Variants in SNX29 observed in about 807,000 individuals in gnomAD.
The protein encoded by SNX29 is sorting nexin 29, also known as sorting nexin-29.
A neutral mutation model predicts 102.1 loss-of-function variants in SNX29; 78 were observed. The ratio of observed to expected loss-of-function variants is 0.76; its 90% CI spans 0.64 to 0.92. The LOEUF (loss-of-function observed/expected upper bound fraction) is 0.92, where lower values mean the gene tolerates loss of function less well. Among genes scored for constraint, SNX29 ranks in the 40% least tolerant of loss-of-function variants. The probability of loss-of-function intolerance (pLI) is 0.00; values close to 1 mark genes in which losing one functional copy is unlikely to be tolerated. For missense variants in SNX29, 1,280 were observed against 1,061.7 expected (o/e 1.21, Z -2.86); for synonymous variants, 580 against 414.5 (o/e 1.40, Z -4.85).
intron 20 of SNX29, among the ~76,000 whole-genome samples, chr16:12,554,713 C>T (rs533382136): frequency 6.6e-6 from 1 of 152,184 alleles, no homozygotes; most frequent in African/African-American, 2.4e-5. Flanking sequence ...CTGGTGACAG[C>T]TGTCTTTCAG....
At chr16:12,351,371 G>C (rs1363067602) in intron 15 of SNX29, among the ~76,000 whole-genome samples, 1 of 147,200 alleles carries the variant, frequency 6.8e-6, no homozygotes, top group Non-Finnish European at 1.5e-5. Flanking sequence ...AAACGTAACA[G>C]ATTCTAAGGC....
In SNX29 at chr16:12,471,571, G is replaced by A. The variant is rs528689189; in HGVS notation, c.2038-6148G>A. 3.3e-5 allele frequency among the ~76,000 whole-genome samples: 5 copies of A among 152,302 alleles called. No homozygotes were observed. In the South Asian group the frequency reaches 8.3e-4, roughly 25 times the overall value. On this transcript the variant is annotated intron_variant, in intron 18 of 20. Coordinates refer to ENST00000566228, the MANE Select transcript of SNX29 (RefSeq NM_032167.5). ...ACGTATGACGATGTGTCAGGTCCAC[G>A]TGGATGTGTACCCACAGAGCCTTGG...
chr16:12,433,750 G>C (rs989653212), intron 18 of SNX29, among the ~76,000 whole-genome samples: 2 of 152,128 alleles, frequency 1.3e-5, no homozygotes, highest in Non-Finnish European at 2.9e-5. Flanking sequence ...CTTGAACCTG[G>C]GGGGCGGAGG....
chr16:12,481,608 C>A (rs1033801823), intron 19 of SNX29, among the ~76,000 whole-genome samples: 1 of 152,018 alleles, frequency 6.6e-6, no homozygotes, highest in African/African-American at 2.4e-5. Context: ...AATTTCACCT[C>A]ACAGCAACCT....
intron 14 of SNX29, among the ~76,000 whole-genome samples, chr16:12,214,058 T>C (rs1301140893): frequency 6.6e-6 from 1 of 152,200 alleles, no homozygotes; most frequent in Non-Finnish European, 1.5e-5. Flanking sequence ...CAGTCCCAGG[T>C]TCTAAAAGTG....
intron 20 of SNX29, among the ~76,000 whole-genome samples, chr16:12,539,845 G>C (rs1567675148): frequency 6.6e-6 from 1 of 152,324 alleles, no homozygotes; most frequent in East Asian, 1.9e-4. Flanking sequence ...GGGGAAGTAA[G>C]TAAGTGTCCA....
chr16:12,539,885 T>C (rs2077247797), intron 20 of SNX29, among the ~76,000 whole-genome samples: 1 of 152,242 alleles, frequency 6.6e-6, no homozygotes, highest in Admixed American at 6.5e-5. Context: ...GAAACTAGGC[T>C]GTTTGTGGTT....
At position 12,042,913 on chromosome 16, in the gene SNX29, C is replaced by T. The variant is rs2049942321; in HGVS notation, c.264C>T (p.Tyr88=). The change falls in exon 5 of 21, where the codon TAC becomes TAT. Residue 88 remains tyrosine, a synonymous_variant. Coordinates refer to ENST00000566228, the MANE Select transcript of SNX29 (RefSeq NM_032167.5). ...TCTCCGTAGAGCCCGTGTTCTGGTA[C>T]TACGTGAAGGAGGTCCTCAACAAGC... The part of the protein sequence containing the change: ...SKTETEPVFW[Y]YVKEVLNKHE... The T allele has an allele frequency of 6.2e-7, 1 of 1,611,220 alleles. No homozygotes were observed. The highest frequency in any genetic ancestry group is 1.7e-5 in the Admixed American group (1 of 59,888).
chr16:12,233,165 C>T (rs914177733), intron 14 of SNX29, among the ~76,000 whole-genome samples: 4 of 152,168 alleles, frequency 2.6e-5, no homozygotes, highest in African/African-American at 9.7e-5. Flanking sequence ...CTCCCTCCTC[C>T]CTGCAAAAAC....
chr16:12,170,899 C>T (rs1053724824), intron 13 of SNX29, among the ~76,000 whole-genome samples: 2 of 151,778 alleles, frequency 1.3e-5, no homozygotes, highest in Non-Finnish European at 2.9e-5. Flanking sequence ...CGAGACATCC[C>T]GGAGGCCCTG....
At chr16:12,103,012 C>A (rs1168982213) in intron 11 of SNX29, among the ~76,000 whole-genome samples, 1 of 152,196 alleles carries the variant, frequency 6.6e-6, no homozygotes, top group Non-Finnish European at 1.5e-5. Context: ...TGAAGGACCT[C>A]TTCAAGGAGA....
At chr16:12,460,883 G>A (rs908325438) in intron 18 of SNX29, among the ~76,000 whole-genome samples, 10 of 152,166 alleles carry the variant, frequency 6.6e-5, no homozygotes, top group South Asian at 2.1e-4. Flanking sequence ...GGTCTCGAAC[G>A]CCTGACCTCA....
intron 20 of SNX29, among the ~76,000 whole-genome samples, chr16:12,555,935 G>A (rs1020436463): frequency 6.6e-6 from 1 of 152,096 alleles, no homozygotes; most frequent in African/African-American, 2.4e-5. Context: ...TGTCAGGTCT[G>A]TTTACATCAC....
intron 14 of SNX29, among the ~76,000 whole-genome samples, chr16:12,202,554 A>G (rs1409305559): frequency 1.3e-5 from 2 of 152,206 alleles, no homozygotes; most frequent in African/African-American, 4.8e-5. Context: ...TTGCCTGGCA[A>G]TTCCACTTCG....
chr16:12,017,931 A>G (rs1008087941), intron 3 of SNX29, among the ~76,000 whole-genome samples: 1 of 151,836 alleles, frequency 6.6e-6, no homozygotes, highest in East Asian at 1.9e-4. Flanking sequence ...TTTTGAGACG[A>G]AGTCTCTCTC....
At chr16:12,556,104 G>A (rs914582330) in intron 20 of SNX29, among the ~76,000 whole-genome samples, 1 of 152,148 alleles carries the variant, frequency 6.6e-6, no homozygotes, top group African/African-American at 2.4e-5. Context: ...TCATTGAGAA[G>A]TATGGGTTAT....
chr16:12,109,145 A>AG (rs796300325), intron 11 of SNX29, among the ~76,000 whole-genome samples: 6 of 84,218 alleles, frequency 7.1e-5, no homozygotes, highest in African/African-American at 4.4e-4. Flanking sequence ...AAAAAAAAAA[A>AG]AAAAAAAAAA....
chr16:12,339,324 T>C (rs2081545398), intron 15 of SNX29, among the ~76,000 whole-genome samples: 1 of 137,818 alleles, frequency 7.3e-6, no homozygotes, highest in Non-Finnish European at 1.5e-5. Flanking sequence ...TAACCTGAGA[T>C]CGTGCCATTG....
chr16:12,008,800 G>A (rs1024148202), intron 3 of SNX29, among the ~76,000 whole-genome samples: 2 of 149,712 alleles, frequency 1.3e-5, no homozygotes, highest in African/African-American at 4.9e-5. Context: ...GGAGTACAGT[G>A]GCGCAATCTC....
Sources: allele counts gnomAD v4.1 joint callset (sites outside exome capture counted in the v4.1 genomes callset), GRCh38; gene constraint gnomAD v4.1.1; transcripts MANE v1.5; gene names NCBI Gene and HGNC (gene_info 2026-07-23, HGNC 2026-07-21).